The following ADGRA3 variants were observed in gnomAD, a reference collection of about 807,000 sequenced individuals.
ADGRA3 encodes the protein G-protein coupled receptor 125.
ADGRA3 carries 56 observed loss-of-function variants against 119.8 expected under a neutral mutation model. That is an observed-to-expected ratio of 0.47 (90% CI 0.38 to 0.58). The LOEUF (loss-of-function observed/expected upper bound fraction) is 0.58. ADGRA3 is among the 20% of genes least tolerant of loss of function. The pLI, the probability that ADGRA3 is intolerant of heterozygous loss-of-function variation, is 0.00. For missense variants in ADGRA3, 1,516 were observed against 1,649.0 expected, an observed-to-expected ratio of 0.92 and a Z score of 1.40; for synonymous variants, 607 against 623.8, an observed-to-expected ratio of 0.97 and a Z score of 0.40.
intron 10 of ADGRA3, among the ~76,000 whole-genome samples, chr4:22,426,054 A>G (rs912714779): frequency 1.3e-5 from 2 of 152,104 alleles, no homozygotes; most frequent in Non-Finnish European, 2.9e-5. Flanking sequence ...GGTTCCTAAA[A>G]CCGTGCCTGG....
At chr4:22,419,580 G>T (rs1213878618) in intron 12 of ADGRA3, among the ~76,000 whole-genome samples, 1 of 152,068 alleles carries the variant, frequency 6.6e-6, no homozygotes, top group East Asian at 1.9e-4. Context: ...TACCCAGAGG[G>T]GTAGGTTGTG....
Position 22,473,855 on chromosome 4 carries a change from C to CA in ADGRA3, c.258-13dup, listed in dbSNP as rs750482832. ...TGTTACTCAGAATCCTAAAAAATAC[C>CA]AAAAAAATAATAAGTTGCCTAATAT... On this transcript the variant is annotated splice_polypyrimidine_tract_variant and intron_variant, in intron 1 of 18. Coordinates refer to ENST00000334304, the MANE Select transcript of ADGRA3 (RefSeq NM_145290.4). 11 of 1,559,552 alleles carry CA rather than the reference C, an allele frequency of 7.1e-6. No homozygotes were observed. Among genetic ancestry groups the CA allele is most frequent in the Admixed American group, 1.7e-5 (1 of 57,540 alleles).
chr4:22,399,922 C>T (rs1057279964), intron 16 of ADGRA3, among the ~76,000 whole-genome samples: 9 of 152,114 alleles, frequency 5.9e-5, no homozygotes, highest in Non-Finnish European at 1.3e-4. Flanking sequence ...TATCCTTTGA[C>T]CTATTATATC....
chr4:22,436,987 T>C (rs1356355611), intron 8 of ADGRA3, among the ~76,000 whole-genome samples: 4 of 152,224 alleles, frequency 2.6e-5, no homozygotes, highest in Non-Finnish European at 5.9e-5. Context: ...TTTAATTGCA[T>C]AATATCTTAA....
Position 22,515,781 on chromosome 4 carries a change from C to A in ADGRA3, c.4G>T (p.Glu2Ter). The change falls in exon 1 of 19, where the codon GAG (glutamate) becomes TAG (stop). Residue 2 changes from glutamate to a stop codon, truncating the protein, a stop_gained. Coordinates refer to ENST00000334304, the MANE Select transcript of ADGRA3 (RefSeq NM_145290.4). LOFTEE classifies it high-confidence loss of function. M[E>*]PPGRRRGRAQ... is the part of the protein sequence containing the mutation. ...CGGCCCCGCCGGCGTCCGGGTGGCTCCATGCTGCGGGCCGGGGCCTGCGGG... is the reference window on the plus strand; with the variant it reads ...CGGCCCCGCCGGCGTCCGGGTGGCTACATGCTGCGGGCCGGGGCCTGCGGG... The A allele has an allele frequency of 9.9e-7, 1 of 1,009,020 alleles. No individual in the cohort carries two copies. The highest frequency in any genetic ancestry group is 4.4e-5 in the South Asian group (1 of 22,768). The allele number at this position is 1,009,020 out of a possible 1,614,324, so 62.5% of individuals were successfully genotyped here. A position where few individuals can be genotyped will look rare whatever the true frequency, so the allele number is the denominator to read the frequency against.
chr4:22,494,064 G>A (rs553966740), intron 1 of ADGRA3, among the ~76,000 whole-genome samples: 1 of 151,938 alleles, frequency 6.6e-6, no homozygotes, highest in Non-Finnish European at 1.5e-5. Context: ...AATTAGCTGG[G>A]CGTGGAGGCG....
intron 14 of ADGRA3, among the ~76,000 whole-genome samples, chr4:22,404,617 AC>A (rs1714816468): frequency 6.6e-6 from 1 of 152,198 alleles, no homozygotes; most frequent in African/African-American, 2.4e-5. Context: ...ACAGGGATAG[AC>A]AGAACACAGT....
intron 1 of ADGRA3, among the ~76,000 whole-genome samples, chr4:22,491,895 A>G (rs1173630004): frequency 6.6e-6 from 1 of 152,218 alleles, no homozygotes; most frequent in Admixed American, 6.5e-5. Context: ...CTATGAGAAG[A>G]ACGGATTTCT....
intron 8 of ADGRA3, 98 bp from the exon 9 acceptor site, chr4:22,436,739 A>T: frequency 1.0e-6 from 1 of 1,003,584 alleles, no homozygotes. Flanking sequence ...AAGATGTGTC[A>T]TGTCAATACA....
At chr4:22,477,736 C>T (rs944901000) in intron 1 of ADGRA3, 3 of 152,196 alleles carry the variant, frequency 2.0e-5, no homozygotes, top group African/African-American at 7.2e-5. Context: ...CATTTCATCA[C>T]ACTTAAAACG....
chr4:22,442,831 T>C lies in ADGRA3; in HGVS notation c.739A>G (p.Thr247Ala). The change falls in exon 7 of 19, where the codon ACT (threonine) becomes GCT (alanine). Residue 247 changes from threonine (T) to alanine (A), a missense_variant. Physicochemically the swap from Thr to Ala is moderately conservative, Grantham distance 58. Transcript: ENST00000334304. ...AACACAACTTGGCGATGAGATGGAG[T>C]CATGTAGAAAGACGGCAATTCAAGC... ...PPLELPSFYM[T>A]PSHRQVVFEG... 1 of 1,612,960 alleles carries C rather than the reference T, an allele frequency of 6.2e-7. No homozygotes were observed. Among genetic ancestry groups the C allele is most frequent in the Non-Finnish European group, 8.5e-7 (1 of 1,179,306 alleles).
intron 2 of ADGRA3, among the ~76,000 whole-genome samples, chr4:22,468,456 T>G (rs1717742122): frequency 6.6e-6 from 1 of 152,088 alleles, no homozygotes; most frequent in Non-Finnish European, 1.5e-5. Context: ...TACAAGAATG[T>G]CAATTCCATA....
At chr4:22,431,892 A>G (rs1716184947) in intron 10 of ADGRA3, among the ~76,000 whole-genome samples, 1 of 152,140 alleles carries the variant, frequency 6.6e-6, no homozygotes, top group Admixed American at 6.6e-5. Flanking sequence ...TGTGACCAGA[A>G]ATGATCTCTA....
intron 10 of ADGRA3, among the ~76,000 whole-genome samples, chr4:22,427,257 T>C (rs903119305): frequency 5.3e-5 from 8 of 152,184 alleles, no homozygotes; most frequent in Non-Finnish European, 1.0e-4. Context: ...TAGGCAGTGC[T>C]TACAGATTAG....
chr4:22,489,282 C>T (rs1188232073), intron 1 of ADGRA3, among the ~76,000 whole-genome samples: 1 of 152,078 alleles, frequency 6.6e-6, no homozygotes, highest in Non-Finnish European at 1.5e-5. Flanking sequence ...AATTATCTCC[C>T]ACCAGGTCCC....
chr4:22,411,456 G>A (rs1021868085), intron 14 of ADGRA3, among the ~76,000 whole-genome samples: 3 of 152,040 alleles, frequency 2.0e-5, no homozygotes, highest in East Asian at 1.9e-4. Flanking sequence ...AAAATTAGCC[G>A]GGTTTGGTGG....
intron 12 of ADGRA3, among the ~76,000 whole-genome samples, chr4:22,417,124 C>T (rs28630756): frequency 0.016 from 2,383 of 152,264 alleles, 65 homozygotes; most frequent in African/African-American, 0.055. Context: ...TAATTATTTT[C>T]TTGTGTATAA....
rs948636161 is a variant in ADGRA3, at chr4:22,473,711, G to A, written c.329+61C>T. 6.4e-6 allele frequency: 6 copies of A among 940,692 alleles called. No individual in the cohort carries two copies. In the African/African-American group the frequency reaches 1.0e-4, roughly 16 times the overall value. 58.3% of individuals were successfully genotyped at this position (940,692 alleles called of 1,614,324 possible). A position where few individuals can be genotyped will look rare whatever the true frequency, so the allele number is the denominator to read the frequency against. On this transcript the variant is annotated intron_variant, in intron 2 of 18. Transcript: ENST00000334304. Reference sequence around the variant, plus strand: ...AATTTAGTCACAGATTTACAATGAAGATTTACAATGAAAATGCATTAAACA... The same window carrying A: ...AATTTAGTCACAGATTTACAATGAAAATTTACAATGAAAATGCATTAAACA...
chr4:22,444,979 T>A lies in ADGRA3; in HGVS notation c.700A>T (p.Thr234Ser), dbSNP rs775809391. The change falls in exon 6 of 19, where the codon ACA becomes TCA. Residue 234 changes from threonine (T) to serine (S), a missense_variant. Transcript: ENST00000334304. ...PVTGVKQELLTCDPPLELPSF... is the reference protein window; with the variant it reads ...PVTGVKQELLSCDPPLELPSF... Reference sequence around the variant, plus strand: ...GTTTGGATTTCTCCCTTACCGCATGTCAACAGCTCCTGCTTCACGCCTGTG... The same window carrying A: ...GTTTGGATTTCTCCCTTACCGCATGACAACAGCTCCTGCTTCACGCCTGTG... The A allele has an allele frequency of 6.2e-7, 1 of 1,612,966 alleles. No homozygotes were observed. The highest frequency in any genetic ancestry group is 1.7e-5 in the Admixed American group (1 of 60,006).
Sources: allele counts gnomAD v4.1 joint callset (sites outside exome capture counted in the v4.1 genomes callset), GRCh38; gene constraint gnomAD v4.1.1; transcripts MANE v1.5; gene names NCBI Gene and HGNC (gene_info 2026-07-23, HGNC 2026-07-21).